GRIK4: variants seen among roughly 807,000 people sequenced by gnomAD.
GRIK4 encodes the protein glutamate ionotropic receptor kainate type subunit 4, also known as glutamate receptor ionotropic, kainate 4.
Under a neutral mutation model 104.9 loss-of-function variants are expected in GRIK4, and 40 were observed. The observed-to-expected ratio is 0.38, with a 90% CI of 0.30 to 0.50. The LOEUF is 0.50. GRIK4 is among the 20% of genes least tolerant of loss of function. The probability of loss-of-function intolerance (pLI) is 0.93; values close to 1 mark genes in which losing one functional copy is unlikely to be tolerated. For missense variants in GRIK4, 1,047 were observed against 1,308.1 expected, an observed-to-expected ratio of 0.80 and a Z score of 3.08; for synonymous variants, 485 against 524.9, an observed-to-expected ratio of 0.92 and a Z score of 1.04.
At chr11:120,880,958 G>A (rs548626585) in intron 11 of GRIK4, among the ~76,000 whole-genome samples, 6 of 152,204 alleles carry the variant, frequency 3.9e-5, no homozygotes, top group African/African-American at 1.4e-4. Context: ...TAATCTTTTG[G>A]GGAAGGCAAA....
At chr11:120,602,858 AG>A (rs1226151673) in intron 1 of GRIK4, among the ~76,000 whole-genome samples, 1 of 152,114 alleles carries the variant, frequency 6.6e-6, no homozygotes, top group Admixed American at 6.5e-5. Context: ...GTGCACCACC[AG>A]GCCTGGCTAA....
chr11:120,525,305 C>T (rs1348889840), intron 1 of GRIK4, among the ~76,000 whole-genome samples: 3 of 152,162 alleles, frequency 2.0e-5, no homozygotes, highest in Admixed American at 1.3e-4. Context: ...CTTGCAGAAT[C>T]GAGGTTTGAA....
intron 3 of GRIK4, among the ~76,000 whole-genome samples, chr11:120,700,448 A>C (rs1313084099): frequency 2.0e-5 from 3 of 150,622 alleles, no homozygotes; most frequent in Non-Finnish European, 4.4e-5. Context: ...TAATTTTTGT[A>C]TTTTTATTTT....
rs1475695506 is a variant in GRIK4, at chr11:120,902,113, C to G, written c.1273-3177C>G. 6.6e-6 allele frequency among the ~76,000 whole-genome samples: 1 copy of G among 152,182 alleles called. No individual in the cohort carries two copies. Among genetic ancestry groups the G allele is most frequent in the Non-Finnish European group, 1.5e-5 (1 of 68,038 alleles). On this transcript the variant is annotated intron_variant, in intron 12 of 20. Transcript: ENST00000527524. The surrounding 1 kb of genome is among the most constrained non-coding windows in gnomAD (Gnocchi z 4.5). ...ATCCCGAATGATTTATCCCTTAAAA[C>G]TCAGCACACATTCATGTTGTCTCCC...
chr11:120,514,518 C>T (rs1232368244), intron 1 of GRIK4, among the ~76,000 whole-genome samples: 1 of 152,136 alleles, frequency 6.6e-6, no homozygotes, highest in Non-Finnish European at 1.5e-5. Context: ...TCAGAAAGCC[C>T]ACCCTTGGTC....
rs149702299 is a variant in GRIK4, at chr11:120,935,445, G to C, written c.1477-4902G>C. Among the ~76,000 whole-genome samples the C allele has an allele frequency of 1.4e-3, 206 of 152,300 alleles. 2 individuals carry two copies. Among genetic ancestry groups the C allele is most frequent in the African/African-American group, 4.7e-3 (196 of 41,544 alleles). On this transcript the variant is annotated intron_variant, in intron 13 of 20. Transcript: ENST00000527524. Reference sequence around the variant, plus strand: ...CACACCTGTATTCCCAGCTACTTGGGAGGCTGAGACAGGAGAATCACTCGA... The same window carrying C: ...CACACCTGTATTCCCAGCTACTTGGCAGGCTGAGACAGGAGAATCACTCGA...
chr11:120,805,514 C>A (rs1482963247), intron 4 of GRIK4, among the ~76,000 whole-genome samples: 1 of 152,146 alleles, frequency 6.6e-6, no homozygotes, highest in South Asian at 2.1e-4. Context: ...CTTTGGGCAT[C>A]TTTTTAATGG....
intron 6 of GRIK4, among the ~76,000 whole-genome samples, chr11:120,828,730 G>A (rs368290648): frequency 5.3e-5 from 8 of 152,224 alleles, no homozygotes; most frequent in African/African-American, 1.7e-4. Context: ...AGGACTCGCC[G>A]CCTCCTCCTC....
At chr11:120,859,461 A>G (rs1333265787) in intron 8 of GRIK4, 1 of 152,240 alleles carries the variant, frequency 6.6e-6, no homozygotes, top group Non-Finnish European at 1.5e-5. Flanking sequence ...ATCTGTGGAC[A>G]TCCAGAGCCT....
chr11:120,771,130 G>A (rs1951933256), intron 3 of GRIK4, among the ~76,000 whole-genome samples: 1 of 152,192 alleles, frequency 6.6e-6, no homozygotes, highest in Admixed American at 6.5e-5. Flanking sequence ...ACATTGCCAA[G>A]AACAGACTGT....
chr11:120,907,095 G>T (rs1334253213), intron 13 of GRIK4, among the ~76,000 whole-genome samples: 1 of 152,228 alleles, frequency 6.6e-6, no homozygotes, highest in Non-Finnish European at 1.5e-5. Flanking sequence ...AAGAGGATTT[G>T]TGGCTTTCTC....
chr11:120,930,626 C>A (rs902904301), intron 13 of GRIK4, among the ~76,000 whole-genome samples: 1 of 152,098 alleles, frequency 6.6e-6, no homozygotes, highest in African/African-American at 2.4e-5. Flanking sequence ...CTCTCTTTGG[C>A]GACAGACAAG....
At chr11:120,821,306 G>A (rs1392405276) in intron 6 of GRIK4, among the ~76,000 whole-genome samples, 2 of 152,194 alleles carry the variant, frequency 1.3e-5, no homozygotes, top group Non-Finnish European at 2.9e-5. Context: ...GGATCTCAAA[G>A]GATAAAAATG....
chr11:120,771,244 A>G (rs759427393), intron 3 of GRIK4, among the ~76,000 whole-genome samples: 4 of 152,202 alleles, frequency 2.6e-5, no homozygotes, highest in Non-Finnish European at 5.9e-5. Context: ...TGGTAGAAAT[A>G]TGGAAGATAG....
chr11:120,831,901 C>G lies in GRIK4; in HGVS notation c.561C>G (p.Asp187Glu). ...KLLRQFLISK[D>E]TLSVRMLDDT... ...TCCGGCAATTCCTTATCTCCAAGGA[C>G]ACGCTGTCCGTCCGCATGCTGGATG... Residue 187 changes from aspartate (D) to glutamate (E), a missense_variant, in exon 7 of 21, where the codon GAC becomes GAG. Transcript: ENST00000527524. 1 of 1,613,960 alleles carries G rather than the reference C, an allele frequency of 6.2e-7. No individual in the cohort carries two copies. The highest frequency in any genetic ancestry group is 1.3e-5 in the African/African-American group (1 of 75,020).
At chr11:120,767,498 G>A (rs993974609) in intron 3 of GRIK4, among the ~76,000 whole-genome samples, 9 of 151,982 alleles carry the variant, frequency 5.9e-5, no homozygotes, top group African/African-American at 1.9e-4. Context: ...CCAGTCTGTA[G>A]GTTGCCTTTT....
At chr11:120,955,450 G>C (rs76068081) in intron 15 of GRIK4, among the ~76,000 whole-genome samples, 2,390 of 152,346 alleles carry the variant, frequency 0.016, 61 homozygotes, top group African/African-American at 0.055. Context: ...AGATAACACC[G>C]AGCACACAGC....
chr11:120,865,193 A>G (rs1053846486), intron 9 of GRIK4, among the ~76,000 whole-genome samples: 3 of 152,184 alleles, frequency 2.0e-5, no homozygotes, highest in Non-Finnish European at 4.4e-5. Flanking sequence ...ATATGCATAT[A>G]CGATTCTATC....
At chr11:120,512,595 G>A (rs1947676654) in intron 1 of GRIK4, among the ~76,000 whole-genome samples, 1 of 150,040 alleles carries the variant, frequency 6.7e-6, no homozygotes, top group Non-Finnish European at 1.5e-5. Context: ...CGAGTGGGAA[G>A]TGAGGGAGAA....
Sources: allele counts gnomAD v4.1 joint callset (sites outside exome capture counted in the v4.1 genomes callset), GRCh38; gene constraint gnomAD v4.1.1; non-coding constraint Gnocchi (gnomAD v3.1); transcripts MANE v1.5; gene names NCBI Gene and HGNC (gene_info 2026-07-23, HGNC 2026-07-21).